The following GSK3B variants were observed in gnomAD, a reference collection of about 807,000 sequenced individuals.
The protein encoded by GSK3B is glycogen synthase kinase 3 beta.
GSK3B carries 15 observed loss-of-function variants against 56.4 expected under a neutral mutation model. The observed-to-expected ratio is 0.27, with a 90% confidence interval of 0.18 to 0.41. The LOEUF (loss-of-function observed/expected upper bound fraction) is 0.41. Among genes scored for constraint, GSK3B ranks in the 10% least tolerant of loss-of-function variants. GSK3B has a pLI of 1.00. For missense variants in GSK3B, 300 were observed against 513.4 expected, an observed-to-expected ratio of 0.58 and a Z score of 4.02; for synonymous variants, 181 against 188.9, an observed-to-expected ratio of 0.96 and a Z score of 0.34.
At chr3:119,877,239 G>T (rs565448818) in intron 7 of GSK3B, among the ~76,000 whole-genome samples, 1 of 152,048 alleles carries the variant, frequency 6.6e-6, no homozygotes, top group Admixed American at 6.5e-5. Context: ...TCTTCACTTA[G>T]TTCAGTATAG....
At chr3:119,914,497 C>A (rs2056763487) in intron 5 of GSK3B, among the ~76,000 whole-genome samples, 1 of 152,094 alleles carries the variant, frequency 6.6e-6, no homozygotes, top group African/African-American at 2.4e-5. Flanking sequence ...CCAAGTCAGT[C>A]ACTCTCAATG....
chr3:119,868,608 T>G (rs997515166), intron 8 of GSK3B, among the ~76,000 whole-genome samples: 1 of 152,224 alleles, frequency 6.6e-6, no homozygotes, highest in African/African-American at 2.4e-5. Flanking sequence ...TATTGTATTA[T>G]GTAGCCAATC....
chr3:120,014,418 A>G (rs750724486), intron 1 of GSK3B, among the ~76,000 whole-genome samples: 1 of 152,188 alleles, frequency 6.6e-6, no homozygotes, highest in Non-Finnish European at 1.5e-5. Context: ...TCAGAGTTAG[A>G]AAATTCAAAA....
intron 7 of GSK3B, among the ~76,000 whole-genome samples, chr3:119,893,208 C>A (rs11921360): frequency 0.73 from 111,201 of 151,848 alleles, 42,103 homozygotes; most frequent in African/African-American, 0.93. Context: ...AAGCTTCCTC[C>A]TGTTGGTCTT....
intron 2 of GSK3B, among the ~76,000 whole-genome samples, chr3:119,949,937 G>A (rs1188923122): frequency 6.6e-6 from 1 of 151,094 alleles, no homozygotes; most frequent in African/African-American, 2.4e-5. Flanking sequence ...ATCCTTATAC[G>A]ACATTCATGT....
chr3:119,826,086 C>T lies in GSK3B; in HGVS notation c.*702G>A, dbSNP rs2107991655. 1 of 225,256 alleles carries T rather than the reference C, an allele frequency of 4.4e-6. No individual in the cohort carries two copies. Among genetic ancestry groups the T allele is most frequent in the East Asian group, 6.5e-5 (1 of 15,472 alleles). The allele number at this position is 225,256 out of a possible 1,614,324, so 14.0% of individuals were successfully genotyped here. On this transcript the variant is annotated 3_prime_UTR_variant, in exon 11 of 11. Transcript: ENST00000264235. ...TTGCTGCTTCCCCTCTGGCAGCCTC[C>T]TGTACAAGCCTCTACATCACTAGCA... is the stretch of plus-strand genomic sequence containing the variant.
At chr3:119,894,926 C>T (rs543079434) in intron 7 of GSK3B, among the ~76,000 whole-genome samples, 22 of 151,990 alleles carry the variant, frequency 1.4e-4, no homozygotes, top group Admixed American at 3.3e-4. Flanking sequence ...AATTAATTGA[C>T]GAATTATAAG....
chr3:119,898,799 C>T (rs945293906), intron 7 of GSK3B, among the ~76,000 whole-genome samples: 1 of 152,064 alleles, frequency 6.6e-6, no homozygotes, highest in Non-Finnish European at 1.5e-5. Context: ...ACATACATAC[C>T]TATGATAAAG....
At chr3:120,056,162 T>C (rs74637378) in intron 1 of GSK3B, among the ~76,000 whole-genome samples, 3,943 of 152,314 alleles carry the variant, frequency 0.026, 173 homozygotes, top group African/African-American at 0.089. Flanking sequence ...ATTTTTATTC[T>C]GGAAAATGTA....
intron 2 of GSK3B, among the ~76,000 whole-genome samples, chr3:119,973,272 T>C (rs2057383791): frequency 6.6e-6 from 1 of 152,212 alleles, no homozygotes; most frequent in Non-Finnish European, 1.5e-5. Flanking sequence ...ATTCCAGTAA[T>C]AAACTATTCA....
chr3:119,856,538 A>G (rs902102878), intron 9 of GSK3B, among the ~76,000 whole-genome samples: 1 of 152,326 alleles, frequency 6.6e-6, no homozygotes, highest in South Asian at 2.1e-4. Context: ...TAAAATCTTG[A>G]ATACAGTCAC....
At chr3:119,889,418 G>C (rs542889469) in intron 7 of GSK3B, among the ~76,000 whole-genome samples, 16 of 152,164 alleles carry the variant, frequency 1.1e-4, no homozygotes, top group African/African-American at 3.4e-4. Flanking sequence ...ATAGCACAAA[G>C]AACAGGAAGG....
chr3:119,949,734 GAGGCTGCAGTGA>G (rs565247585), intron 2 of GSK3B, among the ~76,000 whole-genome samples: 119 of 147,624 alleles, frequency 8.1e-4, no homozygotes, highest in Middle Eastern at 3.5e-3. Flanking sequence ...CCAGGAGGTG[GAGGCTGCAGTGA>G]GCTGTGATCA....
At chr3:120,059,807 C>T (rs1415838680) in intron 1 of GSK3B, among the ~76,000 whole-genome samples, 1 of 152,154 alleles carries the variant, frequency 6.6e-6, no homozygotes, top group African/African-American at 2.4e-5. Context: ...TTCCAACCTG[C>T]CTATAAATTT....
intron 1 of GSK3B, among the ~76,000 whole-genome samples, chr3:120,017,475 C>T (rs2057837049): frequency 6.6e-6 from 1 of 152,094 alleles, no homozygotes; most frequent in African/African-American, 2.4e-5. Context: ...ACCCAAATGC[C>T]CCCAATATAA....
intron 2 of GSK3B, among the ~76,000 whole-genome samples, chr3:119,981,644 G>T (rs2057464259): frequency 1.3e-5 from 2 of 152,244 alleles, no homozygotes; most frequent in Non-Finnish European, 1.5e-5. Flanking sequence ...GCTGGGGAAG[G>T]GTGTCTGCCA....
chr3:120,042,642 TA>T (rs1394979174), intron 1 of GSK3B, among the ~76,000 whole-genome samples: 11 of 152,154 alleles, frequency 7.2e-5, no homozygotes, highest in African/African-American at 2.7e-4. Flanking sequence ...AGGCATTAAT[TA>T]AAAATATAGT....
chr3:119,835,570 AATGTT>A (rs890499583), intron 10 of GSK3B, among the ~76,000 whole-genome samples: 1 of 152,146 alleles, frequency 6.6e-6, no homozygotes, highest in African/African-American at 2.4e-5. Context: ...ACTAAAACAT[AATGTT>A]ATGTGTGATT....
In GSK3B at chr3:120,037,652, CT is replaced by C. The variant is rs72383335; in HGVS notation, c.89-35414del. On this transcript the variant is annotated intron_variant, in intron 1 of 10. Coordinates refer to ENST00000264235, the MANE Select transcript of GSK3B (RefSeq NM_001146156.2). The stretch of plus-strand genomic sequence containing the variant: ...AAAATAAAAATAAAGCACTACAGCT[CT>C]TTTTTTTTTTACCATCTTACACATC... Among the ~76,000 whole-genome samples, 4,028 of 146,196 alleles carry C rather than the reference CT, an allele frequency of 0.028. 347 individuals carry two copies. The East Asian group carries it at 0.34, about 12-fold the overall frequency.
Sources: gnomAD v4.1 joint callset for allele counts (sites outside exome capture counted in the v4.1 genomes callset) on GRCh38, gnomAD v4.1.1 for gene constraint, MANE v1.5 for transcripts, NCBI Gene and HGNC (gene_info 2026-07-23, HGNC 2026-07-21) for gene names.